The following PLCB4 variants were observed in gnomAD, a reference collection of about 807,000 sequenced individuals.
PLCB4 encodes the protein 1-phosphatidylinositol 4,5-bisphosphate phosphodiesterase beta-4.
Under a neutral mutation model 178.8 loss-of-function variants are expected in PLCB4, and 77 were observed. That is an observed-to-expected ratio of 0.43 (90% CI 0.36 to 0.52). The LOEUF is 0.52. PLCB4 is among the 20% of genes least tolerant of loss of function. PLCB4 has a pLI of 0.00. For synonymous variants in PLCB4, 496 were observed against 490.8 expected, an observed-to-expected ratio of 1.01 and a Z score of -0.14; for missense variants, 1,024 against 1,453.4, an observed-to-expected ratio of 0.70 and a Z score of 4.80.
At chr20:9,395,732 G>A (rs1568730982) in intron 19 of PLCB4, 114 bp downstream of exon 19, 2 of 681,204 alleles carry the variant, frequency 2.9e-6, no homozygotes, top group Non-Finnish European at 4.9e-6. Context: ...GGGAGGCCAA[G>A]GTGGGAGGAT....
chr20:9,316,829 G>C (rs1294929971), intron 4 of PLCB4, among the ~76,000 whole-genome samples: 1 of 152,170 alleles, frequency 6.6e-6, no homozygotes, highest in African/African-American at 2.4e-5. Context: ...ATTCAGGCCT[G>C]TTCCTTCCTC....
chr20:9,332,086 C>T (rs2031757213), intron 4 of PLCB4, among the ~76,000 whole-genome samples: 2 of 152,118 alleles, frequency 1.3e-5, no homozygotes, highest in South Asian at 4.1e-4. Context: ...CTGCCCACCC[C>T]CCAAGGAAGT....
At chr20:9,168,806 A>G (rs779578401) in intron 2 of PLCB4, among the ~76,000 whole-genome samples, 1 of 152,122 alleles carries the variant, frequency 6.6e-6, no homozygotes, top group African/African-American at 2.4e-5. Context: ...ATAACTGATG[A>G]TGTGTGGCTT....
chr20:9,436,801 A>G (rs2041801956), intron 29 of PLCB4, among the ~76,000 whole-genome samples: 1 of 152,196 alleles, frequency 6.6e-6, no homozygotes, highest in African/African-American at 2.4e-5. Context: ...GCATCTCTCC[A>G]ATAGCTAGAA....
At position 9,372,358 on chromosome 20, in the gene PLCB4, A is replaced by T; in HGVS notation, c.641A>T (p.Gln214Leu). The part of the protein sequence containing the change: ...FSYEKFYELT[Q>L]KICPRTDIED... The stretch of plus-strand genomic sequence containing the variant: ...TATGAAAAGTTCTATGAACTGACAC[A>T]AAAGATTTGTCCTCGGACAGATATA... Residue 214 changes from glutamine (Q) to leucine (L), a missense_variant, in exon 11 of 40, where the codon CAA becomes CTA. This residue lies in a region of PLCB4 where 225 missense variants were observed against 291.0 expected (regional missense o/e 0.77). Coordinates refer to ENST00000378473, the MANE Select transcript of PLCB4 (RefSeq NM_001377142.1). 1 of 1,604,476 alleles carries T rather than the reference A, an allele frequency of 6.2e-7. No homozygotes were observed. The highest frequency in any genetic ancestry group is 8.5e-7 in the Non-Finnish European group (1 of 1,171,782).
In PLCB4 at chr20:9,315,311, G is replaced by A. The variant is rs1024600027; in HGVS notation, c.84+7413G>A. On this transcript the variant is annotated intron_variant, in intron 4 of 39. Coordinates refer to ENST00000378473, the MANE Select transcript of PLCB4 (RefSeq NM_001377142.1). ...AGTACAGTTGGCCCTTTAACAATTC[G>A]GAAATATTTTAAAGACATTACAACT... Among the ~76,000 whole-genome samples, 6 of 152,178 alleles carry A rather than the reference G, an allele frequency of 3.9e-5. No homozygotes were observed. In the East Asian group the frequency reaches 5.8e-4, roughly 15 times the overall value.
chr20:9,335,685 G>A lies in PLCB4; in HGVS notation c.85-1441G>A, dbSNP rs971862436. On this transcript the variant is annotated intron_variant, in intron 4 of 39. Coordinates refer to ENST00000378473, the MANE Select transcript of PLCB4 (RefSeq NM_001377142.1). ...AAGGTAGGTGGAACTACTTCCACTT[G>A]TTAGACAAGGATTCTGAAATTTAGA... is the stretch of plus-strand genomic sequence containing the variant. Among the ~76,000 whole-genome samples, 15 of 152,264 alleles carry A rather than the reference G, an allele frequency of 9.9e-5. 1 individual carries two copies. The highest frequency in any genetic ancestry group is 8.5e-4 in the Admixed American group (13 of 15,286).
rs544983129 is a variant in PLCB4 at position 9,221,581 on chromosome 20, A to G, written c.-16+4129A>G. 5.9e-5 allele frequency among the ~76,000 whole-genome samples: 9 copies of G among 152,292 alleles called. No individual in the cohort carries two copies. The East Asian group carries it at 9.6e-4, about 16-fold the overall frequency. Reference sequence around the variant, plus strand: ...TAATCCTTAGCCCATTTCCTGGTGTAGGTTAAGCACTTTCAGAGGCTGCAT... The same window carrying G: ...TAATCCTTAGCCCATTTCCTGGTGTGGGTTAAGCACTTTCAGAGGCTGCAT... On this transcript the variant is annotated intron_variant, in intron 3 of 39. Coordinates refer to ENST00000378473, the MANE Select transcript of PLCB4 (RefSeq NM_001377142.1).
intron 2 of PLCB4, among the ~76,000 whole-genome samples, chr20:9,096,544 G>C (rs751635172): frequency 9.9e-5 from 15 of 152,178 alleles, no homozygotes; most frequent in Non-Finnish European, 1.5e-5. Context: ...TGAGACAAAA[G>C]TTGATGTCTA....
intron 3 of PLCB4, among the ~76,000 whole-genome samples, chr20:9,296,336 G>A (rs1019392681): frequency 3.3e-5 from 5 of 152,086 alleles, no homozygotes; most frequent in African/African-American, 9.7e-5. Context: ...TTAGAATGGC[G>A]ACCATTAAAA....
chr20:9,172,755 G>T (rs1218565429), intron 2 of PLCB4, among the ~76,000 whole-genome samples: 1 of 151,974 alleles, frequency 6.6e-6, no homozygotes, highest in African/African-American at 2.4e-5. Flanking sequence ...CTGTCAACTC[G>T]CCCTAAGAAC....
intron 3 of PLCB4, among the ~76,000 whole-genome samples, chr20:9,274,660 C>G (rs919183533): frequency 6.6e-6 from 1 of 152,034 alleles, no homozygotes; most frequent in Admixed American, 6.6e-5. Flanking sequence ...AAAACCATGC[C>G]TTGTGCTTTG....
chr20:9,337,019 A>C, intron 4 of PLCB4, 107 bp from the exon 5 acceptor site: 1 of 745,786 alleles, frequency 1.3e-6, no homozygotes, highest in Non-Finnish European at 2.4e-6. Flanking sequence ...TGGATATTAC[A>C]TACAAAAGAG....
intron 7 of PLCB4, among the ~76,000 whole-genome samples, chr20:9,341,271 G>A (rs2033159647): frequency 6.6e-6 from 1 of 152,074 alleles, no homozygotes; most frequent in South Asian, 2.1e-4. Flanking sequence ...TGAACAATGT[G>A]GGGGTTAGAG....
chr20:9,190,945 T>C (rs2093394719), intron 2 of PLCB4, among the ~76,000 whole-genome samples: 1 of 152,148 alleles, frequency 6.6e-6, no homozygotes, highest in South Asian at 2.1e-4. Flanking sequence ...AACCCCCTCC[T>C]CCTTGATATA....
At chr20:9,222,795 A>G (rs1156922960) in intron 3 of PLCB4, among the ~76,000 whole-genome samples, 2 of 152,146 alleles carry the variant, frequency 1.3e-5, no homozygotes, top group African/African-American at 4.8e-5. Flanking sequence ...GCAACTTTAG[A>G]ATATTATAGA....
intron 3 of PLCB4, among the ~76,000 whole-genome samples, chr20:9,250,773 C>T (rs564850775): frequency 1.3e-5 from 2 of 152,302 alleles, no homozygotes; most frequent in Non-Finnish European, 2.9e-5. Flanking sequence ...ACATTTAGTA[C>T]CTCACAAACT....
chr20:9,165,792 T>A (rs2147004097), intron 2 of PLCB4, among the ~76,000 whole-genome samples: 1 of 138,384 alleles, frequency 7.2e-6, no homozygotes, highest in African/African-American at 2.8e-5. Flanking sequence ...CCTGGGGCTG[T>A]TTGTGTGTGT....
At chr20:9,149,878 G>C (rs909886423) in intron 2 of PLCB4, among the ~76,000 whole-genome samples, 1 of 152,174 alleles carries the variant, frequency 6.6e-6, no homozygotes, top group Non-Finnish European at 1.5e-5. Flanking sequence ...GACGGATTCA[G>C]GACTGGGCAG....
Sources: allele counts gnomAD v4.1 joint callset (sites outside exome capture counted in the v4.1 genomes callset), GRCh38; gene constraint gnomAD v4.1.1; regional missense constraint gnomAD v4.1.1; transcripts MANE v1.5; gene names NCBI Gene and HGNC (gene_info 2026-07-23, HGNC 2026-07-21).